The following DCST1 variants were observed in gnomAD, a reference collection of about 807,000 sequenced individuals.
DCST1 encodes the protein E3 ubiquitin-protein ligase DCST1.
In DCST1, 78 loss-of-function variants were observed where a neutral mutation model predicts 89.1. The observed-to-expected ratio is 0.88, with a 90% CI of 0.73 to 1.06. The LOEUF (loss-of-function observed/expected upper bound fraction) is 1.06, where lower values mean the gene tolerates loss of function less well. Among genes scored for constraint, DCST1 ranks in the 50% least tolerant of loss-of-function variants. The probability of loss-of-function intolerance (pLI) is 0.00; values close to 1 mark genes in which losing one functional copy is unlikely to be tolerated. For missense variants in DCST1, 900 were observed against 928.6 expected, an observed-to-expected ratio of 0.97 and a Z score of 0.40; for synonymous variants, 364 against 371.9, an observed-to-expected ratio of 0.98 and a Z score of 0.24.
intron 14 of DCST1, 123 bp downstream of exon 14, chr1:155,047,435 T>C (rs1248554087): frequency 1.2e-6 from 1 of 860,392 alleles, no homozygotes; most frequent in South Asian, 1.7e-5. Context: ...TTGGAGCGCT[T>C]GAGCTGGGGA....
intron 13 of DCST1, among the ~76,000 whole-genome samples, chr1:155,046,914 C>T (rs1046117617): frequency 6.6e-6 from 1 of 152,112 alleles, no homozygotes; most frequent in Non-Finnish European, 1.5e-5. Context: ...CATCCTTCTG[C>T]CTGTTCTTTT....
In DCST1 at chr1:155,047,815, T is replaced by C; in HGVS notation, c.1641T>C (p.Asp547=). 1 of 1,614,140 alleles carries C rather than the reference T, an allele frequency of 6.2e-7. No individual in the cohort carries two copies. Among genetic ancestry groups the C allele is most frequent in the South Asian group, 1.1e-5 (1 of 91,088 alleles). Residue 547 remains aspartate (D), a synonymous_variant, in exon 15 of 17, where the codon GAT becomes GAC. Coordinates refer to ENST00000295542, the MANE Select transcript of DCST1 (RefSeq NM_152494.4). ...GCCTGCCCCAGCCTGTGGGCCTGGA[T>C]GCCAGGGCCTACTGGAGAGCTGCAG... ...MPCLPQPVGL[D]ARAYWRAAVP...
intron 16 of DCST1, among the ~76,000 whole-genome samples, chr1:155,048,593 C>T (rs1216548024): frequency 6.6e-6 from 1 of 152,198 alleles, no homozygotes; most frequent in Non-Finnish European, 1.5e-5. Flanking sequence ...AGCCACCAAG[C>T]CCAGCCAAGC....
chr1:155,049,467 T>A (rs976324260), intron 16 of DCST1, among the ~76,000 whole-genome samples: 2 of 150,920 alleles, frequency 1.3e-5, no homozygotes, highest in Admixed American at 1.3e-4. Context: ...CAGGCTGGAG[T>A]GCAGTGGCGT....
intron 10 of DCST1, chr1:155,045,310 G>C (rs1660581830): frequency 6.5e-6 from 1 of 154,228 alleles, no homozygotes; most frequent in African/African-American, 2.4e-5. Flanking sequence ...ATACATGGGG[G>C]ATAGCTATAT....
intron 10 of DCST1, chr1:155,045,646 C>T: frequency 3.8e-6 from 2 of 529,024 alleles, no homozygotes; most frequent in South Asian, 4.1e-5. Context: ...GCCCCCACCT[C>T]ATCCCCTACT....
chr1:155,042,632 A>G (rs1441645645), intron 8 of DCST1, 103 bp from the exon 9 acceptor site: 3 of 1,518,208 alleles, frequency 2.0e-6, no homozygotes, highest in East Asian at 2.3e-5. Context: ...GGGCAGAGAG[A>G]CAAAAAAGCA....
intron 5 of DCST1, among the ~76,000 whole-genome samples, chr1:155,040,113 CA>C (rs1281858177): frequency 6.7e-6 from 1 of 149,634 alleles, no homozygotes; most frequent in Non-Finnish European, 1.5e-5. Context: ...CCAGCCTGAC[CA>C]ACATGCTGAA....
chr1:155,035,049 TA>T (rs1660231003), intron 4 of DCST1: 2 of 337,048 alleles, frequency 5.9e-6, no homozygotes, highest in South Asian at 9.3e-5. Flanking sequence ...CCTAAGAAAT[TA>T]AATTCATTCA....
At chr1:155,036,147 T>G (rs1484507743) in intron 4 of DCST1, among the ~76,000 whole-genome samples, 1 of 151,136 alleles carries the variant, frequency 6.6e-6, no homozygotes, top group Non-Finnish European at 1.5e-5. Flanking sequence ...GTAGACTTCC[T>G]CACATCTCTT....
chr1:155,043,212 A>G (rs1408754410), intron 9 of DCST1, 140 bp from the exon 10 acceptor site: 40 of 1,213,370 alleles, frequency 3.3e-5, no homozygotes, highest in Non-Finnish European at 4.5e-5. Flanking sequence ...TGGTGAGCAG[A>G]AGGAAGTGAC....
chr1:155,049,364 G>GA, intron 16 of DCST1: 5 of 355,248 alleles, frequency 1.4e-5, no homozygotes, highest in East Asian at 4.5e-5. Context: ...TTTCTCACCT[G>GA]AAAAAAAGGA....
chr1:155,048,115 T>C lies in DCST1; in HGVS notation c.1814T>C (p.Phe605Ser), dbSNP rs1051324373. Residue 605 changes from phenylalanine to serine, a missense_variant, in exon 16 of 17, where the codon TTC becomes TCC. Phe to Ser is a radical substitution (Grantham distance 155). Coordinates refer to ENST00000295542, the MANE Select transcript of DCST1 (RefSeq NM_152494.4). ...YNDLLKKRAA[F>S]TKLRRAAILR... is the part of the protein sequence containing the mutation. Reference sequence around the variant, plus strand: ...GACCTATTGAAGAAAAGAGCAGCCTTCACCAAACTCAGGAGGGCCGCTATC... The same window carrying C: ...GACCTATTGAAGAAAAGAGCAGCCTCCACCAAACTCAGGAGGGCCGCTATC... The C allele has an allele frequency of 6.2e-7, 1 of 1,613,872 alleles. No homozygotes were observed. Among genetic ancestry groups the C allele is most frequent in the African/African-American group, 1.3e-5 (1 of 74,846 alleles).
intron 6 of DCST1, 45 bp downstream of exon 6, chr1:155,040,669 G>C (rs755442550): frequency 1.3e-6 from 2 of 1,510,006 alleles, no homozygotes; most frequent in Non-Finnish European, 1.8e-6. Context: ...CCTCTCCCTG[G>C]GGCCAAGTTA....
At chr1:155,040,713 G>A in intron 6 of DCST1, 89 bp downstream of exon 6, 1 of 1,466,910 alleles carries the variant, frequency 6.8e-7, no homozygotes, top group Non-Finnish European at 9.1e-7. Context: ...TGGATTTACA[G>A]TTTCCCAATG....
chr1:155,045,758 G>A (rs887814167), intron 10 of DCST1, 135 bp from the exon 11 acceptor site: 1 of 718,942 alleles, frequency 1.4e-6, no homozygotes, highest in Non-Finnish European at 2.5e-6. Flanking sequence ...TCCCCTAGCA[G>A]TGCCCAGGAC....
chr1:155,048,736 A>AAAAGGAG lies in DCST1; in HGVS notation c.1869+569_1869+575dup, dbSNP rs377353123. On this transcript the variant is annotated intron_variant, in intron 16 of 16. Coordinates refer to ENST00000295542, the MANE Select transcript of DCST1 (RefSeq NM_152494.4). ...CAGTGGACCATTAGGAAGCAGGCAG[A>AAAAGGAG]AAAGGAGAATGAGATTTAATACAGT... is the stretch of plus-strand genomic sequence containing the variant. Among the ~76,000 whole-genome samples the AAAAGGAG allele has an allele frequency of 1.9e-3, 284 of 149,814 alleles. 3 individuals are homozygous for AAAAGGAG. The highest frequency in any genetic ancestry group is 7.0e-3 in the African/African-American group (273 of 39,168).
At position 155,050,614 on chromosome 1, in the gene DCST1, C is replaced by T; in HGVS notation, c.1870-3C>T. On this transcript the variant is annotated splice_region_variant and splice_polypyrimidine_tract_variant and intron_variant, in intron 16 of 16. Coordinates refer to ENST00000295542, the MANE Select transcript of DCST1 (RefSeq NM_152494.4). ...GCTGGCGCTAACGCCCACCTCCCAA[C>T]AGCGCCACCCGCTGGCGGATATCCT... The T allele has an allele frequency of 6.3e-7, 1 of 1,576,054 alleles. No homozygotes were observed. The highest frequency in any genetic ancestry group is 1.1e-5 in the South Asian group (1 of 88,752).
At chr1:155,039,647 C>A in intron 5 of DCST1, 116 bp downstream of exon 5, 1 of 1,350,382 alleles carries the variant, frequency 7.4e-7, no homozygotes, top group Non-Finnish European at 9.8e-7. Context: ...GCTGCTCTAA[C>A]TCACTGTATG....
Sources: allele counts gnomAD v4.1 joint callset (sites outside exome capture counted in the v4.1 genomes callset), GRCh38; gene constraint gnomAD v4.1.1; transcripts MANE v1.5; gene names NCBI Gene and HGNC (gene_info 2026-07-23, HGNC 2026-07-21).